The following XRN2 variants were observed in gnomAD, a reference collection of about 807,000 sequenced individuals.
XRN2 encodes DHM1-like protein.
In XRN2, 44 loss-of-function variants were observed where a neutral mutation model predicts 138.5. The observed-to-expected ratio is 0.32, with a 90% CI of 0.25 to 0.41. XRN2 has a LOEUF of 0.41. Ranked by LOEUF, XRN2 falls within the 10% of genes least tolerant of loss-of-function variation. The pLI, the probability that XRN2 is intolerant of heterozygous loss-of-function variation, is 1.00. For missense variants in XRN2, 937 were observed against 1,169.3 expected, an observed-to-expected ratio of 0.80 and a Z score of 2.90; for synonymous variants, 354 against 369.4, an observed-to-expected ratio of 0.96 and a Z score of 0.48.
chr20:21,364,696 A>G (rs943069550), intron 24 of XRN2, among the ~76,000 whole-genome samples: 14 of 151,848 alleles, frequency 9.2e-5, no homozygotes, highest in African/African-American at 3.1e-4. Flanking sequence ...AGTCTCAGCT[A>G]TGAGAGAGGC....
At chr20:21,364,213 T>C (rs950075071) in intron 24 of XRN2, among the ~76,000 whole-genome samples, 2 of 152,218 alleles carry the variant, frequency 1.3e-5, no homozygotes, top group African/African-American at 4.8e-5. Flanking sequence ...TTAAAAATAT[T>C]ATCTGAGTTC....
Position 21,389,706 on chromosome 20 carries a change from C to T in XRN2, c.*368C>T. 6.2e-6 allele frequency: 1 copy of T among 160,284 alleles called. No homozygotes were observed. Among genetic ancestry groups the T allele is most frequent in the Non-Finnish European group, 1.4e-5 (1 of 73,478 alleles). 9.9% of individuals were successfully genotyped at this position (160,284 alleles called of 1,614,324 possible). On this transcript the variant is annotated 3_prime_UTR_variant, in exon 30 of 30. Coordinates refer to ENST00000377191, the MANE Select transcript of XRN2 (RefSeq NM_012255.5). ...AATTAGGTTTGAACTCGAGCTGGAACCTCAGCAAACTAGAGTATATATTGT... is the reference window on the plus strand; with the variant it reads ...AATTAGGTTTGAACTCGAGCTGGAATCTCAGCAAACTAGAGTATATATTGT...
rs570332430 is a variant in XRN2, at chr20:21,305,415, C to T, written c.75+1942C>T. On this transcript the variant is annotated intron_variant, in intron 1 of 29. Coordinates refer to ENST00000377191, the MANE Select transcript of XRN2 (RefSeq NM_012255.5). ...CTAGGACTACAGGTGTGCGCCGCCA[C>T]GCCCAGCTGATTTTTTTTTAGTAGA... 6.6e-5 allele frequency among the ~76,000 whole-genome samples: 10 copies of T among 152,004 alleles called. No individual in the cohort carries two copies. In the East Asian group the frequency reaches 1.7e-3, roughly 27 times the overall value.
intron 1 of XRN2, 141 bp from the exon 2 acceptor site, chr20:21,326,133 GAATAA>G: frequency 3.8e-6 from 3 of 793,350 alleles, no homozygotes; most frequent in Non-Finnish European, 5.6e-6. Context: ...TTGCTTTAAG[GAATAA>G]AATAACTTAT....
intron 27 of XRN2, among the ~76,000 whole-genome samples, chr20:21,369,091 G>A (rs6047401): frequency 0.86 from 131,176 of 152,070 alleles, 56,917 homozygotes; most frequent in East Asian, 0.98. Flanking sequence ...TCTGGTAACC[G>A]TCCTTCTACT....
chr20:21,356,718 A>AT, intron 23 of XRN2, 53 bp downstream of exon 23: 1 of 1,463,044 alleles, frequency 6.8e-7, no homozygotes, highest in Non-Finnish European at 9.4e-7. Context: ...TTTAGTTAGG[A>AT]TTTTTTTCCT....
At chr20:21,318,441 A>G (rs754480605) in intron 1 of XRN2, among the ~76,000 whole-genome samples, 11 of 151,150 alleles carry the variant, frequency 7.3e-5, no homozygotes, top group Non-Finnish European at 1.6e-4. Flanking sequence ...CTCATCTTTT[A>G]TTCTTTCTGC....
At chr20:21,366,231 T>TTA (rs2038701254) in intron 26 of XRN2, among the ~76,000 whole-genome samples, 1 of 134,236 alleles carries the variant, frequency 7.4e-6, no homozygotes, top group Non-Finnish European at 1.5e-5. Context: ...TATATATATA[T>TTA]TATATATATA....
At chr20:21,355,805 T>C (rs1433016752) in intron 21 of XRN2, among the ~76,000 whole-genome samples, 2 of 152,176 alleles carry the variant, frequency 1.3e-5, no homozygotes, top group Non-Finnish European at 2.9e-5. Context: ...GTAATTGGGA[T>C]ATCCATCACC....
At chr20:21,374,228 A>G (rs534736291) in intron 27 of XRN2, among the ~76,000 whole-genome samples, 8 of 151,872 alleles carry the variant, frequency 5.3e-5, no homozygotes, top group Admixed American at 1.3e-4. Flanking sequence ...ATGTTCTTTG[A>G]AATCTTTTTG....
chr20:21,358,326 C>T (rs1422117494), intron 24 of XRN2, among the ~76,000 whole-genome samples: 3 of 152,158 alleles, frequency 2.0e-5, no homozygotes, highest in Admixed American at 2.0e-4. Flanking sequence ...ATTTATATCT[C>T]AGTTCTTTGG....
At chr20:21,389,185 T>C in intron 29 of XRN2, 88 bp from the exon 30 acceptor site, 2 of 1,165,692 alleles carry the variant, frequency 1.7e-6, no homozygotes, top group Non-Finnish European at 2.5e-6. Context: ...AGTTTCCTTA[T>C]GATGTGTTTT....
chr20:21,379,376 G>A (rs1380264391), intron 27 of XRN2, among the ~76,000 whole-genome samples: 1 of 152,112 alleles, frequency 6.6e-6, no homozygotes, highest in East Asian at 1.9e-4. Flanking sequence ...AATACTTCCA[G>A]GTTATATATG....
At chr20:21,316,667 G>A (rs563260711) in intron 1 of XRN2, among the ~76,000 whole-genome samples, 3 of 152,212 alleles carry the variant, frequency 2.0e-5, no homozygotes, top group South Asian at 2.1e-4. Context: ...TCCCAGTACC[G>A]CACTGTCTTG....
chr20:21,386,002 G>A (rs1485520588), intron 28 of XRN2, among the ~76,000 whole-genome samples: 1 of 152,180 alleles, frequency 6.6e-6, no homozygotes, highest in Non-Finnish European at 1.5e-5. Flanking sequence ...GCCTTAAGGA[G>A]AAAGTAAAGT....
At chr20:21,345,503 G>A (rs2038424874) in intron 16 of XRN2, among the ~76,000 whole-genome samples, 1 of 152,078 alleles carries the variant, frequency 6.6e-6, no homozygotes, top group South Asian at 2.1e-4. Context: ...GTGAAATCTG[G>A]CACATGGAAA....
At chr20:21,366,595 A>G (rs1203717905) in intron 26 of XRN2, among the ~76,000 whole-genome samples, 1 of 151,508 alleles carries the variant, frequency 6.6e-6, no homozygotes, top group East Asian at 1.9e-4. Flanking sequence ...GAAAATACTG[A>G]GTTTGTTTCA....
chr20:21,389,123 C>A, intron 29 of XRN2, 150 bp from the exon 30 acceptor site: 1 of 631,968 alleles, frequency 1.6e-6, no homozygotes, highest in Non-Finnish European at 2.6e-6. Context: ...AGCTCTGGAT[C>A]AAAGCACCTT....
At chr20:21,377,319 G>A (rs1440311379) in intron 27 of XRN2, among the ~76,000 whole-genome samples, 4 of 133,138 alleles carry the variant, frequency 3.0e-5, no homozygotes, top group South Asian at 2.4e-4. Flanking sequence ...GTGCAGTGGC[G>A]CAATCTCAGC....
Sources: allele counts gnomAD v4.1 joint callset (sites outside exome capture counted in the v4.1 genomes callset), GRCh38; gene constraint gnomAD v4.1.1; transcripts MANE v1.5; gene names NCBI Gene and HGNC (gene_info 2026-07-23, HGNC 2026-07-21).